The following TRIM9 variants were observed in gnomAD, a reference collection of about 807,000 sequenced individuals.
TRIM9 encodes E3 ubiquitin-protein ligase TRIM9.
Under a neutral mutation model 78.3 loss-of-function variants are expected in TRIM9, and 26 were observed. The observed-to-expected ratio is 0.33, with a 90% CI of 0.24 to 0.46. The LOEUF is 0.46. TRIM9 is among the 20% of genes least tolerant of loss of function. The pLI is 1.00. For missense variants in TRIM9, 787 were observed against 1,036.4 expected (o/e 0.76, Z 3.30); for synonymous variants, 398 against 416.5 (o/e 0.96, Z 0.54).
In TRIM9 at chr14:50,996,194, C is replaced by T. The variant is rs1018756760; in HGVS notation, c.1603+1856G>A. 1.2e-5 allele frequency: 12 copies of T among 983,914 alleles called. No homozygotes were observed. In the African/African-American group the frequency reaches 1.6e-4, roughly 13 times the overall value. 60.9% of individuals were successfully genotyped at this position (983,914 alleles called of 1,614,324 possible). ...TTCAGATACATACCTTATATTTGTA[C>T]ACAATATATAAAATTCATGGAGGAA... On this transcript the variant is annotated intron_variant, in intron 7 of 12. Transcript: ENST00000684578.
At chr14:51,069,719 T>G (rs1200144349) in intron 1 of TRIM9, among the ~76,000 whole-genome samples, 1 of 152,232 alleles carries the variant, frequency 6.6e-6, no homozygotes, top group African/African-American at 2.4e-5. Flanking sequence ...TGTGCCCATA[T>G]GGCACCAAGG....
intron 1 of TRIM9, among the ~76,000 whole-genome samples, chr14:51,089,723 C>T (rs971085435): frequency 1.4e-4 from 22 of 152,086 alleles, no homozygotes; most frequent in African/African-American, 5.1e-4. Context: ...TCTCTCTGGA[C>T]CCATGAGGAA....
In TRIM9 at chr14:51,025,221, G is replaced by A. The variant is rs199671884; in HGVS notation, c.918+44C>T. The A allele has an allele frequency of 2.4e-4, 362 of 1,514,798 alleles. 2 individuals are homozygous for A. In the East Asian group the frequency reaches 7.4e-3, roughly 31 times the overall value. The allele number at this position is 1,514,798 out of a possible 1,614,324, so 93.8% of individuals were successfully genotyped here. On this transcript the variant is annotated intron_variant, in intron 2 of 12. Coordinates refer to ENST00000684578, the MANE Select transcript of TRIM9 (RefSeq NM_001387360.1). ...GGAAACTCTCCCGCCACACAGTTAC[G>A]TATTAACCGGCGGGTTTCCTTGCGT...
At chr14:51,053,530 A>G (rs1271855857) in intron 1 of TRIM9, among the ~76,000 whole-genome samples, 1 of 68,526 alleles carries the variant, frequency 1.5e-5, no homozygotes, top group African/African-American at 5.8e-5. Context: ...TTTTTTTTTT[A>G]TGCGTTAACA....
intron 7 of TRIM9, among the ~76,000 whole-genome samples, chr14:50,989,455 T>C (rs2053191339): frequency 6.6e-6 from 1 of 152,178 alleles, no homozygotes; most frequent in South Asian, 2.1e-4. Context: ...CAAAGAGGAA[T>C]GAGGTTGTCA....
intron 1 of TRIM9, among the ~76,000 whole-genome samples, chr14:51,042,028 C>T (rs1415817881): frequency 2.0e-5 from 3 of 152,192 alleles, no homozygotes; most frequent in South Asian, 4.1e-4. Context: ...GTGGCATCCT[C>T]AGCACAGGTC....
At chr14:51,008,431 T>TA in intron 5 of TRIM9, among the ~76,000 whole-genome samples, 1 of 152,266 alleles carries the variant, frequency 6.6e-6, no homozygotes, top group East Asian at 1.9e-4. Flanking sequence ...TTCAAATGGG[T>TA]ATTACACTGC....
intron 1 of TRIM9, among the ~76,000 whole-genome samples, chr14:51,074,350 C>T (rs1328235450): frequency 6.6e-6 from 1 of 152,126 alleles, no homozygotes; most frequent in Non-Finnish European, 1.5e-5. Context: ...CTAACAATCA[C>T]TTGAAATTGA....
chr14:50,983,396 T>G lies in TRIM9; in HGVS notation c.1818A>C (p.Ala606=). 4 of 1,543,874 alleles carry G rather than the reference T, an allele frequency of 2.6e-6. No homozygotes were observed. Among genetic ancestry groups the G allele is most frequent in the Non-Finnish European group, 3.5e-6 (4 of 1,142,916 alleles). Residue 606 remains alanine, a synonymous_variant, in exon 9 of 13, where the codon GCA becomes GCC. Transcript: ENST00000684578. ...APGCNFETQS[A]PYSQLVDIKK... is the part of the protein sequence containing the mutation. ...TATACTTGCCTAATTGAGAGTAAGG[T>G]GCAGATTGTGTCTCAAAATTGCATC... is the stretch of plus-strand genomic sequence containing the variant.
chr14:51,075,961 A>AT (rs368253308), intron 1 of TRIM9, among the ~76,000 whole-genome samples: 37 of 151,712 alleles, frequency 2.4e-4, no homozygotes, highest in Middle Eastern at 3.4e-3. Context: ...TATTATTTTA[A>AT]TTTTTTTTTC....
At chr14:51,094,076 C>CGG in intron 1 of TRIM9, 42 bp downstream of exon 1, 1 of 1,563,806 alleles carries the variant, frequency 6.4e-7, no homozygotes, top group Non-Finnish European at 8.7e-7. Context: ...ACCGGATGAT[C>CGG]GGAGACGCAG....
intron 1 of TRIM9, among the ~76,000 whole-genome samples, chr14:51,053,536 T>C (rs1282630375): frequency 5.4e-5 from 8 of 147,494 alleles, no homozygotes; most frequent in Admixed American, 5.4e-4. Flanking sequence ...TTTTATGCGT[T>C]AACATTACAT....
chr14:51,016,457 AT>A (rs1177274011), intron 3 of TRIM9, among the ~76,000 whole-genome samples: 1 of 150,398 alleles, frequency 6.6e-6, no homozygotes, highest in Admixed American at 6.6e-5. Context: ...TCCCAGAACC[AT>A]TCCCCCCCAC....
chr14:51,051,155 C>T (rs1242480419), intron 1 of TRIM9, among the ~76,000 whole-genome samples: 2 of 152,166 alleles, frequency 1.3e-5, no homozygotes, highest in Non-Finnish European at 2.9e-5. Context: ...TTCATATGTT[C>T]TGGTTCACCA....
intron 7 of TRIM9, chr14:50,997,193 A>G (rs2054322858): frequency 3.0e-6 from 3 of 985,412 alleles, no homozygotes; most frequent in Middle Eastern, 5.2e-4. Context: ...GTTTAATTTC[A>G]TGTGTCTTGC....
intron 1 of TRIM9, chr14:51,091,310 T>G (rs947989734): frequency 6.6e-6 from 1 of 152,240 alleles, no homozygotes; most frequent in Non-Finnish European, 1.5e-5. Context: ...TGTAAGATGA[T>G]GATTTATGCC....
chr14:51,078,004 A>T (rs892274168), intron 1 of TRIM9, among the ~76,000 whole-genome samples: 33 of 152,252 alleles, frequency 2.2e-4, no homozygotes, highest in Non-Finnish European at 1.2e-4. Context: ...TGAGCAACCA[A>T]GTAAACCTGA....
Position 50,975,325 on chromosome 14 carries a change from G to C in TRIM9, c.*1966C>G, listed in dbSNP as rs769021751. 1.3e-5 allele frequency: 2 copies of C among 152,638 alleles called. No homozygotes were observed. Among genetic ancestry groups the C allele is most frequent in the Non-Finnish European group, 2.9e-5 (2 of 68,034 alleles). 9.5% of individuals were successfully genotyped at this position (152,638 alleles called of 1,614,324 possible). A position where few individuals can be genotyped will look rare whatever the true frequency, so the allele number is the denominator to read the frequency against. ...AATGACAATTTTTTCTAGTATAGTA[G>C]TTGTATGCATCTGTAATTGCAATTC... is the stretch of plus-strand genomic sequence containing the variant. On this transcript the variant is annotated 3_prime_UTR_variant, in exon 13 of 13. Transcript: ENST00000684578.
intron 1 of TRIM9, among the ~76,000 whole-genome samples, chr14:51,076,663 T>C (rs986328401): frequency 2.0e-5 from 3 of 152,236 alleles, no homozygotes; most frequent in Admixed American, 6.5e-5. Context: ...ATTAGGTTAT[T>C]CTGGCCAGGC....
Sources: allele counts gnomAD v4.1 joint callset (sites outside exome capture counted in the v4.1 genomes callset), GRCh38; gene constraint gnomAD v4.1.1; transcripts MANE v1.5; gene names NCBI Gene and HGNC (gene_info 2026-07-23, HGNC 2026-07-21).